PTPRM: variants seen among roughly 807,000 people sequenced by gnomAD.
PTPRM encodes receptor-type tyrosine-protein phosphatase mu.
In PTPRM, 47 loss-of-function variants were observed where a neutral mutation model predicts 186.7. The observed-to-expected ratio is 0.25, with a 90% CI of 0.20 to 0.32. The LOEUF (loss-of-function observed/expected upper bound fraction) is 0.32. Ranked by LOEUF, PTPRM falls within the 10% of genes least tolerant of loss-of-function variation. The pLI is 1.00. For missense variants in PTPRM, 1,494 were observed against 1,865.0 expected (o/e 0.80, Z 3.66); for synonymous variants, 668 against 674.9 (o/e 0.99, Z 0.16).
chr18:7,591,058 C>G (rs1481267520), intron 1 of PTPRM, among the ~76,000 whole-genome samples: 1 of 152,120 alleles, frequency 6.6e-6, no homozygotes, highest in Non-Finnish European at 1.5e-5. Flanking sequence ...TTCTAGAAAC[C>G]AAAAAGTGAA....
intron 7 of PTPRM, among the ~76,000 whole-genome samples, chr18:8,047,727 G>T (rs896558347): frequency 2.0e-5 from 3 of 151,962 alleles, no homozygotes; most frequent in Non-Finnish European, 4.4e-5. Flanking sequence ...GAGGGAAGAG[G>T]GTAAGATGGG....
chr18:8,204,623 G>A (rs115292882), intron 14 of PTPRM, among the ~76,000 whole-genome samples: 1,561 of 152,138 alleles, frequency 0.01, 32 homozygotes, highest in African/African-American at 0.035. Context: ...CAAAAGAAGG[G>A]GAGCCATGTG....
chr18:7,628,717 C>G (rs1346585057), intron 1 of PTPRM, among the ~76,000 whole-genome samples: 1 of 152,152 alleles, frequency 6.6e-6, no homozygotes, highest in Non-Finnish European at 1.5e-5. Context: ...AGGGCCCACC[C>G]TGTCAGGCAC....
chr18:7,885,020 G>A (rs2146320036), intron 2 of PTPRM, among the ~76,000 whole-genome samples: 1 of 148,554 alleles, frequency 6.7e-6, no homozygotes, highest in South Asian at 2.1e-4. Context: ...AATCTATGCA[G>A]CTTTGTAGCT....
At chr18:8,382,654 T>G (rs955031227) in intron 29 of PTPRM, among the ~76,000 whole-genome samples, 10 of 152,212 alleles carry the variant, frequency 6.6e-5, no homozygotes, top group African/African-American at 2.4e-4. Context: ...AAGGCACCCT[T>G]GGTTACCCTA....
chr18:7,782,841 C>T (rs1447780124), intron 2 of PTPRM, among the ~76,000 whole-genome samples: 1 of 152,148 alleles, frequency 6.6e-6, no homozygotes, highest in Non-Finnish European at 1.5e-5. Context: ...CAATGTCAGC[C>T]ACTATATTAT....
chr18:7,626,761 C>G (rs997075786), intron 1 of PTPRM, among the ~76,000 whole-genome samples: 3 of 152,174 alleles, frequency 2.0e-5, no homozygotes, highest in African/African-American at 7.2e-5. Flanking sequence ...GGTGCAATAG[C>G]TCACTGTAAC....
At chr18:7,705,326 TCTGTCTATCTAG>T (rs1342971366) in intron 1 of PTPRM, among the ~76,000 whole-genome samples, 10 of 146,310 alleles carry the variant, frequency 6.8e-5, no homozygotes, top group Admixed American at 3.5e-4. Context: ...TATCTATCTA[TCTGTCTATCTAG>T]CTAGCTAGCT....
rs4633832 is a variant in PTPRM, at chr18:7,997,176, C to T, written c.1132+41762C>T. On this transcript the variant is annotated intron_variant, in intron 7 of 32. Coordinates refer to ENST00000580170, the MANE Select transcript of PTPRM (RefSeq NM_001105244.2). ...CTATAATAAGCAAAACAGCATGGTGCTGCATAAAAACAGACACATAGACCA... is the reference window on the plus strand; with the variant it reads ...CTATAATAAGCAAAACAGCATGGTGTTGCATAAAAACAGACACATAGACCA... Among the ~76,000 whole-genome samples, 1,381 of 152,182 alleles carry T rather than the reference C, an allele frequency of 9.1e-3. 18 individuals carry two copies. Among genetic ancestry groups the T allele is most frequent in the African/African-American group, 0.032 (1,325 of 41,540 alleles).
intron 24 of PTPRM, among the ~76,000 whole-genome samples, chr18:8,373,116 ATT>A (rs1328469571): frequency 6.6e-6 from 1 of 152,178 alleles, no homozygotes; most frequent in East Asian, 1.9e-4. Context: ...CACATTAGTG[ATT>A]TTCTAACCGG....
intron 1 of PTPRM, among the ~76,000 whole-genome samples, chr18:7,619,555 A>G (rs1157371304): frequency 6.6e-6 from 1 of 152,246 alleles, no homozygotes; most frequent in Non-Finnish European, 1.5e-5. Flanking sequence ...TAAGTTCTGT[A>G]CTATTTAATG....
chr18:8,032,488 A>C (rs2086045882), intron 7 of PTPRM, among the ~76,000 whole-genome samples: 1 of 152,166 alleles, frequency 6.6e-6, no homozygotes, highest in East Asian at 1.9e-4. Flanking sequence ...AACTAGAAAT[A>C]CTACAATAAA....
chr18:7,722,329 G>A (rs1340033814), intron 1 of PTPRM, among the ~76,000 whole-genome samples: 1 of 152,018 alleles, frequency 6.6e-6, no homozygotes, highest in Non-Finnish European at 1.5e-5. Context: ...GTGGCTTGAT[G>A]GCCCATTTCT....
chr18:8,388,110 A>G (rs1219257854), intron 31 of PTPRM, among the ~76,000 whole-genome samples: 1 of 152,222 alleles, frequency 6.6e-6, no homozygotes, highest in Non-Finnish European at 1.5e-5. Flanking sequence ...TGTTTCTCAA[A>G]GCACTTTCAC....
chr18:7,661,072 GAAA>G (rs2038969224), intron 1 of PTPRM, among the ~76,000 whole-genome samples: 1 of 152,184 alleles, frequency 6.6e-6, no homozygotes, highest in Non-Finnish European at 1.5e-5. Flanking sequence ...GGCTACAGCA[GAAA>G]TATGTTTTGA....
intron 2 of PTPRM, among the ~76,000 whole-genome samples, chr18:7,804,225 C>T (rs554988012): frequency 1.1e-4 from 17 of 152,218 alleles, no homozygotes; most frequent in Non-Finnish European, 2.5e-4. Context: ...CTGTTACCCT[C>T]CTGGATCACA....
intron 19 of PTPRM, among the ~76,000 whole-genome samples, chr18:8,288,426 A>G (rs952569651): frequency 6.6e-6 from 1 of 152,174 alleles, no homozygotes; most frequent in Admixed American, 6.5e-5. Context: ...GAACAAAAGA[A>G]AAGAGTAGTG....
At chr18:8,173,649 G>A (rs2093438050) in intron 14 of PTPRM, among the ~76,000 whole-genome samples, 2 of 152,212 alleles carry the variant, frequency 1.3e-5, no homozygotes, top group African/African-American at 4.8e-5. Context: ...TTTAGAGGCT[G>A]GGGTGTTTCA....
rs2092636588 is a variant in PTPRM, at chr18:8,136,276, T to C, written c.2168-7371T>C. Among the ~76,000 whole-genome samples, 3 of 152,190 alleles carry C rather than the reference T, an allele frequency of 2.0e-5. No individual in the cohort carries two copies. The South Asian group carries it at 6.2e-4, about 32-fold the overall frequency. On this transcript the variant is annotated intron_variant, in intron 13 of 32. Transcript: ENST00000580170. The stretch of plus-strand genomic sequence containing the variant: ...ATTGACAGTTTGTTTCCCTATTTTA[T>C]TACTTGATAATGATTTGAGAAATTC...
Sources: allele counts gnomAD v4.1 joint callset (sites outside exome capture counted in the v4.1 genomes callset), GRCh38; gene constraint gnomAD v4.1.1; transcripts MANE v1.5; gene names NCBI Gene and HGNC (gene_info 2026-07-23, HGNC 2026-07-21).